Variants in MED14 observed in about 807,000 individuals in gnomAD.
MED14 encodes the protein mediator of RNA polymerase II transcription subunit 14.
A neutral mutation model predicts 109.0 loss-of-function variants in MED14; 8 were observed. The observed-to-expected ratio is 0.07, with a 90% CI of 0.04 to 0.13. The LOEUF is 0.13. Among genes scored for constraint, MED14 ranks in the 10% least tolerant of loss-of-function variants. The probability of loss-of-function intolerance (pLI) is 1.00; values close to 1 mark genes in which losing one functional copy is unlikely to be tolerated. For synonymous variants in MED14, 399 were observed against 408.7 expected, an observed-to-expected ratio of 0.98 and a Z score of 0.29; for missense variants, 711 against 1,142.4, an observed-to-expected ratio of 0.62 and a Z score of 5.44.
rs1186498257 is a variant in MED14, at chrX:40,663,124, C to T, written c.3485G>A (p.Arg1162His). 5 of 1,211,099 alleles carry T rather than the reference C, an allele frequency of 4.1e-6. No homozygotes were observed. The highest frequency in any genetic ancestry group is 2.3e-4 in the Middle Eastern group (1 of 4,354). Reference sequence around the variant, plus strand: ...CGCCCAAGAGCGCTGAGGTAGTTTACGAGGTGGAGGCATGTTTGTTGGCAT... The same window carrying T: ...CGCCCAAGAGCGCTGAGGTAGTTTATGAGGTGGAGGCATGTTTGTTGGCAT... ...QTMPTNMPPP[R>H]KLPQRSWAAS... The change falls in exon 26 of 31, where the codon CGT becomes CAT. Residue 1162 changes from arginine to histidine, a missense_variant. Coordinates refer to ENST00000324817, the MANE Select transcript of MED14 (RefSeq NM_004229.4).
intron 28 of MED14, among the ~76,000 whole-genome samples, chrX:40,657,957 A>G (rs1356132352): frequency 9.2e-6 from 1 of 108,817 alleles, no homozygotes; most frequent in African/African-American, 3.4e-5. Flanking sequence ...ATGCCTGGCT[A>G]ATTTTTTTGT....
At chrX:40,716,439 A>C (rs1208883948) in intron 3 of MED14, among the ~76,000 whole-genome samples, 2 of 110,258 alleles carry the variant, frequency 1.8e-5, no homozygotes, top group Non-Finnish European at 3.8e-5. Context: ...CAAAAAATTA[A>C]AAAACAAAAA....
Position 40,714,462 on chromosome X carries a change from C to T in MED14, c.522+75G>A, listed in dbSNP as rs147166669. 4.7e-4 allele frequency: 491 copies of T among 1,035,505 alleles called. 1 individual carries two copies. The African/African-American group carries it at 8.7e-3, about 18-fold the overall frequency. The allele number at this position is 1,035,505 out of a possible 1,213,427, so 85.3% of individuals were successfully genotyped here. On this transcript the variant is annotated intron_variant, in intron 4 of 30. Coordinates refer to ENST00000324817, the MANE Select transcript of MED14 (RefSeq NM_004229.4). Reference sequence around the variant, plus strand: ...TGTTTTAACAATGTTTTTTGCTGGGCTACTTAATAATACAATCCAATCCAG... The same window carrying T: ...TGTTTTAACAATGTTTTTTGCTGGGTTACTTAATAATACAATCCAATCCAG...
At chrX:40,698,661 T>C (rs1013855997) in intron 12 of MED14, among the ~76,000 whole-genome samples, 1 of 112,233 alleles carries the variant, frequency 8.9e-6, no homozygotes, top group Non-Finnish European at 1.9e-5. Flanking sequence ...CATGAACAAA[T>C]AGATGCTCAA....
chrX:40,650,304 T>C lies in MED14; in HGVS notation c.*1502A>G. Reference sequence around the variant, plus strand: ...AGAAAGGCAAAGAAGGCTTCAACTCTGATTGAAAATGAGTGGAGAATCAAA... The same window carrying C: ...AGAAAGGCAAAGAAGGCTTCAACTCCGATTGAAAATGAGTGGAGAATCAAA... On this transcript the variant is annotated 3_prime_UTR_variant, in exon 31 of 31. Transcript: ENST00000324817. The C allele has an allele frequency of 1.3e-6, 1 of 754,119 alleles. No homozygotes were observed. Among genetic ancestry groups the C allele is most frequent in the Non-Finnish European group, 1.6e-6 (1 of 638,929 alleles). The allele number at this position is 754,119 out of a possible 1,213,427, so 62.1% of individuals were successfully genotyped here.
At chrX:40,668,383 CA>C (rs779386609) in intron 23 of MED14, among the ~76,000 whole-genome samples, 54 of 43,300 alleles carry the variant, frequency 1.2e-3, no homozygotes, top group Admixed American at 8.5e-3. Context: ...ACTCTGTCTC[CA>C]AAAAAAAAAA....
intron 8 of MED14, among the ~76,000 whole-genome samples, chrX:40,710,700 CTT>C (rs10543294): frequency 0.27 from 30,527 of 111,429 alleles, 3,845 homozygotes; most frequent in African/African-American, 0.5. Flanking sequence ...ACCTCTCAAA[CTT>C]TTTAAGAATA....
intron 13 of MED14, among the ~76,000 whole-genome samples, chrX:40,694,903 T>C (rs901633275): frequency 8.9e-6 from 1 of 111,906 alleles, no homozygotes; most frequent in Non-Finnish European, 1.9e-5. Flanking sequence ...CAAAAATCTA[T>C]ATGCAAATGT....
At chrX:40,696,280 G>A (rs1602472249) in intron 13 of MED14, among the ~76,000 whole-genome samples, 2 of 108,494 alleles carry the variant, frequency 1.8e-5, no homozygotes, top group African/African-American at 3.4e-5. Flanking sequence ...GACTACAGGC[G>A]CCCGCCACCA....
At chrX:40,706,471 G>A (rs1931145078) in intron 10 of MED14, among the ~76,000 whole-genome samples, 1 of 111,239 alleles carries the variant, frequency 9.0e-6, no homozygotes, top group Non-Finnish European at 1.9e-5. Context: ...AAAACCACTG[G>A]TGTAGCACAT....
intron 21 of MED14, among the ~76,000 whole-genome samples, chrX:40,679,279 G>A (rs1234348678): frequency 8.9e-6 from 1 of 111,848 alleles, no homozygotes; most frequent in Non-Finnish European, 1.9e-5. Context: ...GGCTGAGGCA[G>A]GTGGATCACC....
chrX:40,672,278 A>G (rs1929757721), intron 22 of MED14, among the ~76,000 whole-genome samples: 1 of 112,194 alleles, frequency 8.9e-6, no homozygotes, highest in South Asian at 3.7e-4. Context: ...TCTATTATTT[A>G]TCTACCATTT....
At position 40,732,794 on chromosome X, in the gene MED14, A is replaced by T. The variant is rs73471401; in HGVS notation, c.215+2404T>A. Among the ~76,000 whole-genome samples the T allele has an allele frequency of 6.3e-3, 708 of 111,500 alleles. 5 individuals are homozygous for T. Among genetic ancestry groups the T allele is most frequent in the African/African-American group, 0.022 (676 of 30,662 alleles). On this transcript the variant is annotated intron_variant, in intron 1 of 30. Coordinates refer to ENST00000324817, the MANE Select transcript of MED14 (RefSeq NM_004229.4). ...GACCCTGTCTCAAAAATAAAAAAGA[A>T]ACATCAGGAAGGGTAATGTGGTCGG... is the stretch of plus-strand genomic sequence containing the variant.
At chrX:40,675,129 G>A in intron 22 of MED14, 92 bp downstream of exon 22, 1 of 866,516 alleles carries the variant, frequency 1.2e-6, no homozygotes, top group Non-Finnish European at 1.5e-6. Context: ...GCCCACCAAG[G>A]ACCTCCTTGT....
intron 3 of MED14, among the ~76,000 whole-genome samples, chrX:40,716,589 CAAAAAAA>C (rs34253902): frequency 1.5e-5 from 1 of 68,403 alleles, no homozygotes; most frequent in Non-Finnish European, 3.0e-5. Context: ...GACCCTGTCT[CAAAAAAA>C]AAAAAAAACC....
intron 15 of MED14, among the ~76,000 whole-genome samples, chrX:40,691,140 G>A (rs961434195): frequency 1.8e-5 from 2 of 112,376 alleles, no homozygotes; most frequent in Non-Finnish European, 3.8e-5. Context: ...AAAAGTGCAG[G>A]TCTGTTACCT....
chrX:40,735,122 G>A, intron 1 of MED14, 76 bp downstream of exon 1: 5 of 750,832 alleles, frequency 6.7e-6, no homozygotes, highest in South Asian at 7.0e-5. Context: ...CTCTCGGGGA[G>A]AGGGAGGTGC....
At chrX:40,712,139 T>C (rs7887325) in intron 7 of MED14, 47 bp downstream of exon 7, 23,502 of 957,747 alleles carry the variant, frequency 0.025, 695 homozygotes, top group African/African-American at 0.17. Context: ...GTGGGAGAGG[T>C]ACCACAAAAT....
chrX:40,713,808 G>A lies in MED14; in HGVS notation c.622C>T (p.Leu208Phe). The A allele has an allele frequency of 8.3e-7, 1 of 1,211,077 alleles. No individual in the cohort carries two copies. The highest frequency in any genetic ancestry group is 1.1e-6 in the Non-Finnish European group (1 of 894,894). Residue 208 changes from leucine to phenylalanine, a missense_variant, in exon 5 of 31, where the codon CTT (leucine) becomes TTT (phenylalanine). Transcript: ENST00000324817. ...GTAAGATTTGCTAACTGAGGAGGAA[G>A]ATCTGTGGTTACAAGCCGATGTCTA... ...ILRHRLVTTDLPPQLANLTVA... is the reference protein window; with the variant it reads ...ILRHRLVTTDFPPQLANLTVA...
Sources: allele counts gnomAD v4.1 joint callset (sites outside exome capture counted in the v4.1 genomes callset), GRCh38; gene constraint gnomAD v4.1.1; transcripts MANE v1.5; gene names NCBI Gene and HGNC (gene_info 2026-07-23, HGNC 2026-07-21).